Variants in MARCHF3 observed in about 807,000 individuals in gnomAD.
MARCHF3 encodes membrane associated ring-CH-type finger 3.
A neutral mutation model predicts 24.2 loss-of-function variants in MARCHF3; 13 were observed. The ratio of observed to expected loss-of-function variants is 0.54; its 90% CI spans 0.35 to 0.85. The LOEUF (loss-of-function observed/expected upper bound fraction) is 0.85. MARCHF3 is among the 40% of genes least tolerant of loss of function. MARCHF3 has a pLI of 0.01. For missense variants in MARCHF3, 276 were observed against 325.0 expected (o/e 0.85, Z 1.16); for synonymous variants, 144 against 137.3 (o/e 1.05, Z -0.34).
In MARCHF3 at chr5:126,870,758, CGTT is replaced by C. The variant is rs1752939270; in HGVS notation, c.634_636del (p.Asn212del). 3 of 1,614,042 alleles carry C rather than the reference CGTT, an allele frequency of 1.9e-6. No individual in the cohort carries two copies. Among genetic ancestry groups the C allele is most frequent in the Non-Finnish European group, 2.5e-6 (3 of 1,180,034 alleles). ...ACCCTCTGATTGGTCCGACGCCACT[CGTT>C]GTACAATCGACAGTGGTACCTAAAT... On this transcript the variant is annotated inframe_deletion, in exon 5 of 5. Transcript: ENST00000308660.
intron 3 of MARCHF3, among the ~76,000 whole-genome samples, chr5:126,896,858 T>C (rs1443331473): frequency 1.3e-5 from 2 of 152,068 alleles, no homozygotes; most frequent in South Asian, 4.1e-4. Context: ...TCAGAAAATC[T>C]GTGACCCCTT....
chr5:126,943,955 C>T (rs925253263), intron 1 of MARCHF3, among the ~76,000 whole-genome samples: 16 of 152,026 alleles, frequency 1.1e-4, no homozygotes, highest in East Asian at 3.9e-4. Flanking sequence ...GGATTATAGG[C>T]GGCCGCCATC....
intron 3 of MARCHF3, among the ~76,000 whole-genome samples, chr5:126,903,645 A>ATG (rs58832353): frequency 0.059 from 9,001 of 152,012 alleles, 542 homozygotes; most frequent in African/African-American, 0.14. Context: ...GTATATATAT[A>ATG]TAAAATCTCT....
intron 1 of MARCHF3, among the ~76,000 whole-genome samples, chr5:126,942,102 T>A (rs539424193): frequency 2.2e-4 from 34 of 152,310 alleles, no homozygotes; most frequent in East Asian, 3.9e-4. Flanking sequence ...GTAACTTTTT[T>A]AAAAAATGGC....
At chr5:126,916,025 G>C (rs1007806367) in intron 2 of MARCHF3, among the ~76,000 whole-genome samples, 1 of 152,218 alleles carries the variant, frequency 6.6e-6, no homozygotes, top group African/African-American at 2.4e-5. Flanking sequence ...AGATAGCCCA[G>C]ATTAGAAGCT....
chr5:126,992,133 C>G (rs1751785638), intron 1 of MARCHF3, among the ~76,000 whole-genome samples: 1 of 152,188 alleles, frequency 6.6e-6, no homozygotes, highest in Admixed American at 6.5e-5. Flanking sequence ...TTCCCCCACC[C>G]CAGCTTCTCT....
At chr5:126,996,836 A>C (rs536288289) in intron 1 of MARCHF3, among the ~76,000 whole-genome samples, 17 of 152,170 alleles carry the variant, frequency 1.1e-4, no homozygotes, top group Non-Finnish European at 2.1e-4. Context: ...AGATAGAAAG[A>C]TCTCTAGGAT....
chr5:126,899,164 G>A (rs1306293233), intron 3 of MARCHF3: 4 of 985,146 alleles, frequency 4.1e-6, no homozygotes, highest in Non-Finnish European at 4.8e-6. Flanking sequence ...GGGCAGTGGT[G>A]AGGCACGCCA....
At chr5:126,929,951 T>G (rs1161651193) in intron 1 of MARCHF3, among the ~76,000 whole-genome samples, 1 of 152,226 alleles carries the variant, frequency 6.6e-6, no homozygotes, top group Non-Finnish European at 1.5e-5. Context: ...TCTGCCATGA[T>G]TGTGAGGCCT....
intron 1 of MARCHF3, among the ~76,000 whole-genome samples, chr5:126,963,737 CTTCTT>C (rs1750719883): frequency 6.6e-6 from 1 of 152,272 alleles, no homozygotes; most frequent in African/African-American, 2.4e-5. Flanking sequence ...GATTTTGACT[CTTCTT>C]TAATTGGTAT....
Position 126,955,162 on chromosome 5 carries a change from T to C in MARCHF3, c.-56-36935A>G, listed in dbSNP as rs183445106. Reference sequence around the variant, plus strand: ...TATTCATTCATTCAACAAATATTTATGTGCATCAGCAATGTTCCAAGAAAT... The same window carrying C: ...TATTCATTCATTCAACAAATATTTACGTGCATCAGCAATGTTCCAAGAAAT... On this transcript the variant is annotated intron_variant, in intron 1 of 4. Transcript: ENST00000308660. 2.1e-4 allele frequency among the ~76,000 whole-genome samples: 32 copies of C among 152,368 alleles called. No individual in the cohort carries two copies. In the East Asian group the frequency reaches 5.6e-3, roughly 27 times the overall value.
intron 1 of MARCHF3, among the ~76,000 whole-genome samples, chr5:126,987,574 G>A (rs1218629181): frequency 2.6e-5 from 4 of 152,122 alleles, no homozygotes; most frequent in African/African-American, 9.6e-5. Context: ...TCACCCCTCT[G>A]CCACTTCCCC....
chr5:126,968,887 T>C (rs1329409841), intron 1 of MARCHF3, among the ~76,000 whole-genome samples: 2 of 152,246 alleles, frequency 1.3e-5, no homozygotes, highest in Non-Finnish European at 2.9e-5. Flanking sequence ...GTAAGAATTC[T>C]TTATATGTTC....
At chr5:126,985,189 A>ATGCC (rs1336979401) in intron 1 of MARCHF3, among the ~76,000 whole-genome samples, 1 of 152,204 alleles carries the variant, frequency 6.6e-6, no homozygotes, top group East Asian at 1.9e-4. Flanking sequence ...GGCATATGGT[A>ATGCC]TGCCTACAAA....
intron 1 of MARCHF3, among the ~76,000 whole-genome samples, chr5:126,929,837 A>C (rs1319532897): frequency 6.6e-6 from 1 of 152,162 alleles, no homozygotes; most frequent in South Asian, 2.1e-4. Flanking sequence ...TGTGATAGTG[A>C]ATAAGTCTCA....
At chr5:126,875,180 A>G (rs921089147) in intron 4 of MARCHF3, among the ~76,000 whole-genome samples, 11 of 152,100 alleles carry the variant, frequency 7.2e-5, no homozygotes, top group Admixed American at 3.3e-4. Flanking sequence ...TGTGACATGG[A>G]CAGTGATGTT....
At chr5:126,931,146 G>A (rs1168724626) in intron 1 of MARCHF3, among the ~76,000 whole-genome samples, 1 of 152,234 alleles carries the variant, frequency 6.6e-6, no homozygotes, top group Non-Finnish European at 1.5e-5. Flanking sequence ...AGACACCAGT[G>A]TGGGGCTTGT....
intron 1 of MARCHF3, among the ~76,000 whole-genome samples, chr5:126,970,478 T>C (rs1750970221): frequency 6.6e-6 from 1 of 152,128 alleles, no homozygotes; most frequent in Non-Finnish European, 1.5e-5. Flanking sequence ...TTTTTTCTTT[T>C]TTTTTTTTCT....
At chr5:126,919,269 T>C (rs1439835802) in intron 1 of MARCHF3, among the ~76,000 whole-genome samples, 1 of 152,188 alleles carries the variant, frequency 6.6e-6, no homozygotes, top group African/African-American at 2.4e-5. Context: ...TAGAGGTTTT[T>C]ACAGAAACTT....
Sources: allele counts gnomAD v4.1 joint callset (sites outside exome capture counted in the v4.1 genomes callset), GRCh38; gene constraint gnomAD v4.1.1; transcripts MANE v1.5; gene names NCBI Gene and HGNC (gene_info 2026-07-23, HGNC 2026-07-21).